Variants in DPP10 observed in about 807,000 individuals in gnomAD.
DPP10 encodes inactive dipeptidyl peptidase 10.
In DPP10, 33 loss-of-function variants were observed where a neutral mutation model predicts 120.9. That is an observed-to-expected ratio of 0.27 (90% CI 0.21 to 0.37). The LOEUF (loss-of-function observed/expected upper bound fraction) is 0.37, where lower values mean the gene tolerates loss of function less well. Among genes scored for constraint, DPP10 ranks in the 10% least tolerant of loss-of-function variants. DPP10 has a pLI of 1.00. For synonymous variants in DPP10, 337 were observed against 326.1 expected, an observed-to-expected ratio of 1.03 and a Z score of -0.36; for missense variants, 816 against 942.8, an observed-to-expected ratio of 0.87 and a Z score of 1.76.
intron 3 of DPP10, among the ~76,000 whole-genome samples, chr2:115,352,123 T>A (rs2064073556): frequency 6.6e-6 from 1 of 152,088 alleles, no homozygotes; most frequent in Non-Finnish European, 1.5e-5. Flanking sequence ...AAAAAATATA[T>A]TTCTATCACC....
intron 1 of DPP10, among the ~76,000 whole-genome samples, chr2:114,613,366 A>G (rs1303383171): frequency 2.6e-5 from 4 of 152,198 alleles, no homozygotes; most frequent in Non-Finnish European, 5.9e-5. Flanking sequence ...ATTTCCGTGA[A>G]CTGCCAGGAC....
chr2:115,399,735 CA>C (rs1440636606), intron 3 of DPP10, among the ~76,000 whole-genome samples: 8 of 152,150 alleles, frequency 5.3e-5, no homozygotes, highest in Non-Finnish European at 8.8e-5. Flanking sequence ...TTTATTTCAT[CA>C]CAACTTCTTC....
chr2:114,733,025 AG>A (rs1293756415), intron 1 of DPP10, among the ~76,000 whole-genome samples: 1 of 152,178 alleles, frequency 6.6e-6, no homozygotes, highest in East Asian at 1.9e-4. Context: ...AAGCTGAATT[AG>A]GGAGCTGCAT....
chr2:114,548,590 A>G (rs1195577301), intron 1 of DPP10, among the ~76,000 whole-genome samples: 1 of 152,220 alleles, frequency 6.6e-6, no homozygotes, highest in Non-Finnish European at 1.5e-5. Flanking sequence ...TGGGCCAAGC[A>G]TGGAAATCTA....
intron 1 of DPP10, among the ~76,000 whole-genome samples, chr2:115,295,649 T>TA (rs1243830961): frequency 1.3e-5 from 2 of 152,098 alleles, no homozygotes; most frequent in Admixed American, 1.3e-4. Context: ...GCAAAAGCAA[T>TA]AAAAATAATT....
intron 1 of DPP10, among the ~76,000 whole-genome samples, chr2:114,797,523 T>C (rs1683818931): frequency 2.0e-5 from 3 of 152,090 alleles, no homozygotes; most frequent in Admixed American, 6.6e-5. Flanking sequence ...AAGTAGTCAA[T>C]AAATAAGTAA....
chr2:115,110,472 C>G (rs1222237337), intron 1 of DPP10, among the ~76,000 whole-genome samples: 2 of 151,984 alleles, frequency 1.3e-5, no homozygotes, highest in Non-Finnish European at 2.9e-5. Context: ...TATGAAAGCA[C>G]TTTGAGAAGT....
chr2:115,187,019 CTTTTTTTTTTTTTTTTTTTTT>C (rs147014349), intron 1 of DPP10, among the ~76,000 whole-genome samples: 21 of 63,180 alleles, frequency 3.3e-4, no homozygotes, highest in African/African-American at 8.9e-4. Flanking sequence ...TGCAAAGATT[CTTTTTTTTTTTTTTTTTTTTT>C]TTTTTTTTTT....
intron 5 of DPP10, among the ~76,000 whole-genome samples, chr2:115,621,002 T>C (rs2084905051): frequency 6.6e-6 from 1 of 152,138 alleles, no homozygotes; most frequent in African/African-American, 2.4e-5. Context: ...GAAAACATAA[T>C]TTGCTGTTCA....
At chr2:114,740,437 G>C (rs927087461) in intron 1 of DPP10, among the ~76,000 whole-genome samples, 77 of 149,686 alleles carry the variant, frequency 5.1e-4, no homozygotes, top group African/African-American at 1.8e-3. Flanking sequence ...CAGCACACCA[G>C]CATGGCACAT....
chr2:114,577,160 C>T (rs1690120064), intron 1 of DPP10, among the ~76,000 whole-genome samples: 1 of 152,174 alleles, frequency 6.6e-6, no homozygotes, highest in Admixed American at 6.5e-5. Context: ...CAGCTTTCAA[C>T]ACTGAATTAG....
chr2:115,750,901 T>C (rs1678619286), intron 10 of DPP10, among the ~76,000 whole-genome samples: 1 of 152,230 alleles, frequency 6.6e-6, no homozygotes, highest in South Asian at 2.1e-4. Flanking sequence ...GATGAATGTT[T>C]AAATTCTGTT....
chr2:115,042,356 T>C (rs1054330112), intron 1 of DPP10, among the ~76,000 whole-genome samples: 2 of 152,146 alleles, frequency 1.3e-5, no homozygotes, highest in African/African-American at 4.8e-5. Flanking sequence ...AACTTCTGCC[T>C]CACGGGTTCA....
intron 17 of DPP10, among the ~76,000 whole-genome samples, chr2:115,784,274 C>T (rs1191316744): frequency 6.6e-6 from 1 of 151,850 alleles, no homozygotes; most frequent in Non-Finnish European, 1.5e-5. Flanking sequence ...GCAAATATAC[C>T]AATGAGTAAG....
At chr2:114,922,196 T>C (rs2106636559) in intron 1 of DPP10, among the ~76,000 whole-genome samples, 1 of 152,340 alleles carries the variant, frequency 6.6e-6, no homozygotes, top group South Asian at 2.1e-4. Context: ...ATCATTACTA[T>C]CTAATTTTAG....
chr2:115,605,087 C>T (rs987506258), intron 5 of DPP10, among the ~76,000 whole-genome samples: 1 of 152,064 alleles, frequency 6.6e-6, no homozygotes, highest in Admixed American at 6.6e-5. Flanking sequence ...AAACAATCTC[C>T]AATATTCACC....
chr2:114,676,390 C>T lies in DPP10; in HGVS notation c.60+233552C>T, dbSNP rs188735194. ...AGTGGCTACTTCTGTATATTAAAAA[C>T]GAAAACTAGCATATCAATTGTATCT... On this transcript the variant is annotated intron_variant, in intron 1 of 25. Coordinates refer to ENST00000410059, the MANE Select transcript of DPP10 (RefSeq NM_020868.6). 3.6e-3 allele frequency among the ~76,000 whole-genome samples: 547 copies of T among 152,236 alleles called. 3 individuals are homozygous for T. Among genetic ancestry groups the T allele is most frequent in the Non-Finnish European group, 5.3e-3 (361 of 68,004 alleles).
intron 1 of DPP10, among the ~76,000 whole-genome samples, chr2:114,881,833 G>T (rs1449911749): frequency 3.9e-5 from 6 of 152,026 alleles, no homozygotes; most frequent in African/African-American, 1.2e-4. Context: ...CTTTCCTCGG[G>T]TGAATTCAAA....
At chr2:114,904,417 T>C (rs1199210882) in intron 1 of DPP10, among the ~76,000 whole-genome samples, 1 of 152,206 alleles carries the variant, frequency 6.6e-6, no homozygotes, top group East Asian at 1.9e-4. Flanking sequence ...ATACTTAGCT[T>C]AGGAAATTTC....
Sources: allele counts gnomAD v4.1 joint callset (sites outside exome capture counted in the v4.1 genomes callset), GRCh38; gene constraint gnomAD v4.1.1; transcripts MANE v1.5; gene names NCBI Gene and HGNC (gene_info 2026-07-23, HGNC 2026-07-21).